The following UTRN variants were observed in gnomAD, a reference collection of about 807,000 sequenced individuals.
UTRN encodes the protein dystrophin-related protein 1.
Under a neutral mutation model 463.9 loss-of-function variants are expected in UTRN, and 283 were observed. That is an observed-to-expected ratio of 0.61 (90% confidence interval 0.55 to 0.67). The LOEUF is 0.67. Among genes scored for constraint, UTRN ranks in the 30% least tolerant of loss-of-function variants. The pLI, the probability that UTRN is intolerant of heterozygous loss-of-function variation, is 0.00. For missense variants in UTRN, 3,922 were observed against 4,084.3 expected, an observed-to-expected ratio of 0.96 and a Z score of 1.08; for synonymous variants, 1,442 against 1,431.5, an observed-to-expected ratio of 1.01 and a Z score of -0.17.
chr6:144,398,942 C>T (rs534518257), intron 2 of UTRN, among the ~76,000 whole-genome samples: 5 of 152,018 alleles, frequency 3.3e-5, no homozygotes, highest in East Asian at 1.9e-4. Flanking sequence ...GCTTTAATAA[C>T]GTCAAGGTTT....
At chr6:144,588,594 T>G (rs1377221969) in intron 51 of UTRN, among the ~76,000 whole-genome samples, 1 of 152,130 alleles carries the variant, frequency 6.6e-6, no homozygotes. Flanking sequence ...GGATAAAAGG[T>G]CTCTTTTATT....
chr6:144,292,568 A>G (rs2114511613), intron 2 of UTRN, among the ~76,000 whole-genome samples: 1 of 152,278 alleles, frequency 6.6e-6, no homozygotes, highest in Non-Finnish European at 1.5e-5. Flanking sequence ...ACGCAGATGC[A>G]TTGGCTCCAT....
chr6:144,554,970 A>G (rs1427561243), intron 49 of UTRN, 77 bp downstream of exon 49: 1 of 1,457,106 alleles, frequency 6.9e-7, no homozygotes, highest in Non-Finnish European at 9.4e-7. Flanking sequence ...TGTAATTCTT[A>G]ACAATAGGAC....
At chr6:144,344,941 C>G (rs1225053066) in intron 2 of UTRN, among the ~76,000 whole-genome samples, 4 of 152,086 alleles carry the variant, frequency 2.6e-5, no homozygotes, top group Non-Finnish European at 5.9e-5. Flanking sequence ...TTTTTCTGAT[C>G]AGTTTAGATG....
At chr6:144,562,178 G>T (rs1373906964) in intron 50 of UTRN, among the ~76,000 whole-genome samples, 1 of 152,002 alleles carries the variant, frequency 6.6e-6, no homozygotes, top group Non-Finnish European at 1.5e-5. Context: ...AATTTAAAAA[G>T]ACACAATTAT....
intron 2 of UTRN, among the ~76,000 whole-genome samples, chr6:144,358,901 C>T (rs1778801142): frequency 6.6e-6 from 1 of 152,140 alleles, no homozygotes; most frequent in Admixed American, 6.6e-5. Context: ...TATACTCATA[C>T]TTAAAAATAA....
chr6:144,619,481 A>G (rs1167223200), intron 51 of UTRN, among the ~76,000 whole-genome samples: 1 of 152,182 alleles, frequency 6.6e-6, no homozygotes, highest in Non-Finnish European at 1.5e-5. Context: ...TTAAACCAGA[A>G]TATGGGAGAA....
At chr6:144,823,244 AC>A (rs1203536348) in intron 66 of UTRN, among the ~76,000 whole-genome samples, 1 of 152,038 alleles carries the variant, frequency 6.6e-6, no homozygotes, top group Non-Finnish European at 1.5e-5. Context: ...TCCTTTTTGG[AC>A]AGATTTATGA....
intron 41 of UTRN, among the ~76,000 whole-genome samples, chr6:144,530,695 G>GCTGC (rs1208708624): frequency 1.3e-5 from 2 of 152,038 alleles, no homozygotes; most frequent in Admixed American, 1.3e-4. Flanking sequence ...GCCAGAAAAG[G>GCTGC]CTGCATCTTT....
chr6:144,466,304 G>T (rs1245201457), intron 23 of UTRN, among the ~76,000 whole-genome samples: 1 of 152,134 alleles, frequency 6.6e-6, no homozygotes, highest in Non-Finnish European at 1.5e-5. Flanking sequence ...TTCAATATTT[G>T]TAAGAGGCTG....
Position 144,447,692 on chromosome 6 carries a change from A to G in UTRN, c.1813A>G (p.Lys605Glu), listed in dbSNP as rs1787833067. The change falls in exon 16 of 75, where the codon AAG (lysine) becomes GAG (glutamate). Residue 605 changes from lysine to glutamate, a missense_variant. Physicochemically the swap from Lys to Glu is moderately conservative, Grantham distance 56. Transcript: ENST00000367545. ...TGTGGGACAATTACTTGATAATTCC[A>G]AGGCATCTAAGAAGATCAACAGTGA... is the stretch of plus-strand genomic sequence containing the variant. ...QDVGQLLDNS[K>E]ASKKINSDSE... 6.2e-7 allele frequency: 1 copy of G among 1,614,000 alleles called. No homozygotes were observed. Among genetic ancestry groups the G allele is most frequent in the Non-Finnish European group, 8.5e-7 (1 of 1,179,980 alleles).
intron 51 of UTRN, among the ~76,000 whole-genome samples, chr6:144,612,341 A>G (rs1805612120): frequency 6.6e-6 from 1 of 152,074 alleles, no homozygotes; most frequent in Non-Finnish European, 1.5e-5. Flanking sequence ...ATGGCCGTTC[A>G]CCAGCAAAAA....
Position 144,522,016 on chromosome 6 carries a change from G to A in UTRN, c.5578G>A (p.Ala1860Thr), listed in dbSNP as rs368466197. Residue 1860 changes from alanine (A) to threonine (T), a missense_variant, in exon 40 of 75, where the codon GCT becomes ACT. Physicochemically the swap from Ala to Thr is moderately conservative, Grantham distance 58. Transcript: ENST00000367545. ...PIQQRKMGQL[A>T]SGIRSSLLPT... ...TCAACAGAGGAAAATGGGTCAACTT[G>A]CTTCTGGAATTAGATCATCACTTCT... 1.9e-6 allele frequency: 3 copies of A among 1,572,334 alleles called. No homozygotes were observed.
In UTRN at chr6:144,548,782, C is replaced by A; in HGVS notation, c.6738C>A (p.Asp2246Glu). The change falls in exon 47 of 75, where the codon GAC (aspartate) becomes GAA (glutamate). Residue 2246 changes from aspartate to glutamate, a missense_variant. This residue lies in a region of UTRN where 1,309 missense variants were observed against 1,452.6 expected (regional missense o/e 0.90). Transcript: ENST00000367545. ...TELADWLVLI[D>E]QMLKSNIVTV... ...TAGCCGACTGGCTGGTATTAATCGACCAGATGCTGAAGTCCAACATTGTCA... is the reference window on the plus strand; with the variant it reads ...TAGCCGACTGGCTGGTATTAATCGAACAGATGCTGAAGTCCAACATTGTCA... 4.3e-6 allele frequency: 7 copies of A among 1,613,962 alleles called. No homozygotes were observed. The highest frequency in any genetic ancestry group is 5.9e-6 in the Non-Finnish European group (7 of 1,179,956).
chr6:144,516,881 A>T lies in UTRN; in HGVS notation c.5474A>T (p.Glu1825Val), dbSNP rs765467900. The T allele has an allele frequency of 3.3e-5, 50 of 1,514,052 alleles. No individual in the cohort carries two copies. The highest frequency in any genetic ancestry group is 6.4e-5 in the Admixed American group (3 of 47,180). The allele number at this position is 1,514,052 out of a possible 1,614,324, so 93.8% of individuals were successfully genotyped here. Residue 1825 changes from glutamate (E) to valine (V), a missense_variant, in exon 39 of 75, where the codon GAA (glutamate) becomes GTA (valine). Glu to Val is a moderately radical substitution (Grantham distance 121). This residue lies in a region of UTRN where 2,349 missense variants were observed against 2,303.8 expected (regional missense o/e 1.02). Transcript: ENST00000367545. ...GAAGAAATGTTACATCAACCTATGG[A>T]AGATAATAAAAAAGAAAAGATCCGT... ...RGEEMLHQPMEDNKKEKIRLQ... is the reference protein window; with the variant it reads ...RGEEMLHQPMVDNKKEKIRLQ...
chr6:144,587,568 A>T (rs1038883717), intron 51 of UTRN, among the ~76,000 whole-genome samples: 1 of 152,166 alleles, frequency 6.6e-6, no homozygotes, highest in Non-Finnish European at 1.5e-5. Flanking sequence ...ATTTAGAGGT[A>T]GTTAAGGTTG....
At chr6:144,739,337 A>AAAT in intron 54 of UTRN, among the ~76,000 whole-genome samples, 1 of 152,338 alleles carries the variant, frequency 6.6e-6, no homozygotes, top group Admixed American at 6.5e-5. Context: ...CATAGTTATT[A>AAAT]AATGAGTGAA....
chr6:144,520,592 T>C (rs1796001532), intron 39 of UTRN, among the ~76,000 whole-genome samples: 1 of 152,224 alleles, frequency 6.6e-6, no homozygotes, highest in East Asian at 1.9e-4. Flanking sequence ...AGAACTACCC[T>C]CAAATGATGG....
chr6:144,302,406 G>C (rs903305961), intron 2 of UTRN, among the ~76,000 whole-genome samples: 1 of 151,742 alleles, frequency 6.6e-6, no homozygotes, highest in Non-Finnish European at 1.5e-5. Flanking sequence ...AGCTACTTGG[G>C]AGGCTGAGGC....
Sources: allele counts gnomAD v4.1 joint callset (sites outside exome capture counted in the v4.1 genomes callset), GRCh38; gene constraint gnomAD v4.1.1; regional missense constraint gnomAD v4.1.1; transcripts MANE v1.5; gene names NCBI Gene and HGNC (gene_info 2026-07-23, HGNC 2026-07-21).